IMPG1: variants seen among roughly 807,000 people sequenced by gnomAD.
IMPG1 encodes the protein interphotoreceptor matrix proteoglycan of 150 kDa.
Under a neutral mutation model 92.0 loss-of-function variants are expected in IMPG1, and 85 were observed. That is an observed-to-expected ratio of 0.92 (90% CI 0.78 to 1.11). IMPG1 has a LOEUF of 1.11. IMPG1 is among the 50% of genes least tolerant of loss of function. IMPG1 has a pLI of 0.00. For missense variants in IMPG1, 1,022 were observed against 956.0 expected, an observed-to-expected ratio of 1.07 and a Z score of -0.91; for synonymous variants, 367 against 334.1, an observed-to-expected ratio of 1.10 and a Z score of -1.08.
At chr6:76,021,292 A>C (rs1783419533) in intron 6 of IMPG1, among the ~76,000 whole-genome samples, 1 of 152,116 alleles carries the variant, frequency 6.6e-6, no homozygotes, top group Non-Finnish European at 1.5e-5. Flanking sequence ...GTACCAAACC[A>C]ATGTACTTCT....
intron 12 of IMPG1, among the ~76,000 whole-genome samples, chr6:75,986,212 C>T (rs1190547256): frequency 1.3e-5 from 2 of 151,950 alleles, no homozygotes; most frequent in Non-Finnish European, 2.9e-5. Context: ...AAATTTTGCA[C>T]CTGACACTAG....
At chr6:75,969,768 C>T (rs537655182) in intron 12 of IMPG1, among the ~76,000 whole-genome samples, 2 of 151,178 alleles carry the variant, frequency 1.3e-5, no homozygotes, top group South Asian at 4.2e-4. Flanking sequence ...ACAAACAGCA[C>T]AAAAGCTTCT....
At chr6:76,006,223 G>A (rs1783094936) in intron 9 of IMPG1, among the ~76,000 whole-genome samples, 1 of 151,768 alleles carries the variant, frequency 6.6e-6, no homozygotes, top group Non-Finnish European at 1.5e-5. Context: ...CAATCAGGAA[G>A]AAGGATGAAT....
intron 12 of IMPG1, among the ~76,000 whole-genome samples, chr6:75,982,588 T>G (rs1405082441): frequency 2.0e-5 from 3 of 148,988 alleles, no homozygotes; most frequent in Non-Finnish European, 3.0e-5. Flanking sequence ...TATATATAGA[T>G]ATATATATGT....
At chr6:76,045,964 T>C (rs1783933316) in intron 1 of IMPG1, among the ~76,000 whole-genome samples, 1 of 152,178 alleles carries the variant, frequency 6.6e-6, no homozygotes, top group Non-Finnish European at 1.5e-5. Context: ...GGAAATTTTT[T>C]TGAGGCAGGA....
intron 1 of IMPG1, among the ~76,000 whole-genome samples, chr6:76,047,453 T>C (rs1309691571): frequency 6.6e-6 from 1 of 152,246 alleles, no homozygotes. Flanking sequence ...TCAGGTCCAC[T>C]ATGGGACATA....
At chr6:75,947,924 G>A (rs1017580700) in intron 13 of IMPG1, among the ~76,000 whole-genome samples, 4 of 151,230 alleles carry the variant, frequency 2.6e-5, no homozygotes, top group Admixed American at 2.0e-4. Flanking sequence ...ACTGACCTGT[G>A]TCTATGTAAA....
intron 12 of IMPG1, among the ~76,000 whole-genome samples, chr6:75,988,849 T>C (rs200627539): frequency 6.6e-6 from 1 of 152,134 alleles, no homozygotes; most frequent in East Asian, 1.9e-4. Context: ...TCCCCAGCAT[T>C]GATGTTTGTG....
intron 3 of IMPG1, 77 bp from the exon 4 acceptor site, chr6:76,034,420 C>T (rs1783700458): frequency 2.9e-6 from 4 of 1,382,190 alleles, no homozygotes; most frequent in South Asian, 2.4e-5. Context: ...ATTTTCATTC[C>T]CTTCTCCCTT....
At chr6:75,942,719 A>G (rs139102567) in intron 14 of IMPG1, among the ~76,000 whole-genome samples, 26 of 152,332 alleles carry the variant, frequency 1.7e-4, no homozygotes, top group African/African-American at 6.0e-4. Flanking sequence ...AATTTGGATC[A>G]GCCAATCGCA....
chr6:76,048,333 C>T (rs1783979951), intron 1 of IMPG1, among the ~76,000 whole-genome samples: 1 of 152,206 alleles, frequency 6.6e-6, no homozygotes, highest in Admixed American at 6.5e-5. Flanking sequence ...TCTCAGATTT[C>T]TGGTACCTTC....
At chr6:75,993,222 C>T (rs765767293) in intron 12 of IMPG1, among the ~76,000 whole-genome samples, 1 of 152,046 alleles carries the variant, frequency 6.6e-6, no homozygotes, top group Admixed American at 6.6e-5. Context: ...CAAATTTAGG[C>T]CTCGGAAACA....
chr6:75,940,596 AAAGTTT>A (rs1181539565), intron 14 of IMPG1, among the ~76,000 whole-genome samples: 1 of 152,188 alleles, frequency 6.6e-6, no homozygotes, highest in East Asian at 1.9e-4. Context: ...AAATTTTATT[AAAGTTT>A]AATTTTAAAA....
intron 7 of IMPG1, among the ~76,000 whole-genome samples, chr6:76,016,979 G>A (rs562173930): frequency 2.0e-5 from 3 of 152,240 alleles, no homozygotes; most frequent in Admixed American, 2.0e-4. Context: ...TGTTGTGAAA[G>A]CAATGAGTGA....
At chr6:75,987,228 C>T (rs541555172) in intron 12 of IMPG1, among the ~76,000 whole-genome samples, 63 of 151,940 alleles carry the variant, frequency 4.1e-4, no homozygotes, top group Non-Finnish European at 8.1e-4. Context: ...GCCAAGGCCT[C>T]CTACGACTTT....
chr6:75,982,561 C>CTATCTATA (rs1444202136), intron 12 of IMPG1, among the ~76,000 whole-genome samples: 42 of 148,092 alleles, frequency 2.8e-4, no homozygotes, highest in East Asian at 5.9e-4. Flanking sequence ...ATCTATCTAT[C>CTATCTATA]TATATATCTA....
intron 14 of IMPG1, 115 bp from the exon 15 acceptor site, chr6:75,931,266 T>C: frequency 6.7e-6 from 6 of 897,830 alleles, no homozygotes; most frequent in Non-Finnish European, 8.7e-6. Context: ...TGGAGTGGGT[T>C]GCACAGTTGT....
At chr6:76,059,223 T>C (rs2127597443) in intron 1 of IMPG1, among the ~76,000 whole-genome samples, 1 of 151,628 alleles carries the variant, frequency 6.6e-6, no homozygotes, top group Middle Eastern at 3.4e-3. Flanking sequence ...TTGAGGGGGG[T>C]GGTTTTGAAG....
chr6:75,982,102 A>G (rs182738083), intron 12 of IMPG1, among the ~76,000 whole-genome samples: 2 of 152,312 alleles, frequency 1.3e-5, no homozygotes, highest in East Asian at 3.9e-4. Flanking sequence ...ATCATAGCCT[A>G]ATCATATATT....
Sources: gnomAD v4.1 joint callset for allele counts (sites outside exome capture counted in the v4.1 genomes callset) on GRCh38, gnomAD v4.1.1 for gene constraint, MANE v1.5 for transcripts, NCBI Gene and HGNC (gene_info 2026-07-23, HGNC 2026-07-21) for gene names.